DPYSL5: variants seen among roughly 807,000 people sequenced by gnomAD.
DPYSL5 encodes the protein dihydropyrimidinase like 5.
Under a neutral mutation model 58.4 loss-of-function variants are expected in DPYSL5, and 9 were observed. That is an observed-to-expected ratio of 0.15 (90% confidence interval 0.09 to 0.27). The LOEUF is 0.27. DPYSL5 is among the 10% of genes least tolerant of loss of function. DPYSL5 has a pLI of 1.00. For synonymous variants in DPYSL5, 293 were observed against 301.9 expected (o/e 0.97, Z 0.31); for missense variants, 499 against 770.6 (o/e 0.65, Z 4.17).
chr2:26,883,627 G>C (rs1663629834), intron 1 of DPYSL5, among the ~76,000 whole-genome samples: 2 of 152,066 alleles, frequency 1.3e-5, no homozygotes, highest in Admixed American at 6.6e-5. Flanking sequence ...TTGAACCCCT[G>C]ACCTCAAGTG....
chr2:26,876,344 CGGT>C (rs1663408168), intron 1 of DPYSL5, among the ~76,000 whole-genome samples: 1 of 152,082 alleles, frequency 6.6e-6, no homozygotes. Context: ...TCCCAGTGCA[CGGT>C]GGAGTGGGGG....
At chr2:26,899,770 C>A (rs887191856) in intron 2 of DPYSL5, among the ~76,000 whole-genome samples, 1 of 152,226 alleles carries the variant, frequency 6.6e-6, no homozygotes, top group African/African-American at 2.4e-5. Context: ...TGTGCCAAGG[C>A]AAGGATGCTC....
Position 26,877,494 on chromosome 2 carries a change from C to T in DPYSL5, c.-4-21002C>T, listed in dbSNP as rs948797736. 6.6e-6 allele frequency among the ~76,000 whole-genome samples: 1 copy of T among 152,142 alleles called. No individual in the cohort carries two copies. The highest frequency in any genetic ancestry group is 1.9e-4 in the East Asian group (1 of 5,190). ...TGCTCCACCCCACACCTGCTGAGTACATGCTGGGAAGATCATGTCAACCCT... is the reference window on the plus strand; with the variant it reads ...TGCTCCACCCCACACCTGCTGAGTATATGCTGGGAAGATCATGTCAACCCT... On this transcript the variant is annotated intron_variant, in intron 1 of 12. Coordinates refer to ENST00000288699, the MANE Select transcript of DPYSL5 (RefSeq NM_020134.4). This position sits in a 1 kb window ranked among gnomAD's most constrained non-coding sequence, Gnocchi z 4.1.
At chr2:26,856,900 A>G (rs1325048879) in intron 1 of DPYSL5, among the ~76,000 whole-genome samples, 1 of 147,958 alleles carries the variant, frequency 6.8e-6, no homozygotes, top group African/African-American at 2.5e-5. Context: ...TATATTATAT[A>G]TACATATATA....
chr2:26,897,974 C>T (rs1664059391), intron 1 of DPYSL5, among the ~76,000 whole-genome samples: 1 of 152,176 alleles, frequency 6.6e-6, no homozygotes, highest in Admixed American at 6.5e-5. Context: ...ATGAATTAAA[C>T]AGCTGTGAGA....
chr2:26,918,640 G>A (rs1282654538), intron 2 of DPYSL5, among the ~76,000 whole-genome samples: 1 of 152,166 alleles, frequency 6.6e-6, no homozygotes, highest in Non-Finnish European at 1.5e-5. Context: ...TTTGCACTGT[G>A]CTTACCAGTT....
At position 26,942,147 on chromosome 2, in the gene DPYSL5, C is replaced by G; in HGVS notation, c.1232+55C>G. Reference sequence around the variant, plus strand: ...GAGGGGCTTGGGATTTTGAAGAAGACTTGCATTACAGATCTCCAAAAGCAT... The same window carrying G: ...GAGGGGCTTGGGATTTTGAAGAAGAGTTGCATTACAGATCTCCAAAAGCAT... On this transcript the variant is annotated intron_variant, in intron 10 of 12. Transcript: ENST00000288699. This position sits in a 1 kb window ranked among gnomAD's most constrained non-coding sequence, Gnocchi z 5.9. 6.2e-7 allele frequency: 1 copy of G among 1,605,986 alleles called. No homozygotes were observed. Among genetic ancestry groups the G allele is most frequent in the Admixed American group, 1.7e-5 (1 of 58,646 alleles).
intron 6 of DPYSL5, among the ~76,000 whole-genome samples, chr2:26,932,186 AGAAAGAAAGAAAGAAAG>A (rs1665037833): frequency 1.7e-5 from 1 of 59,744 alleles, no homozygotes; most frequent in Non-Finnish European, 3.8e-5. Flanking sequence ...AAAGAAAGAA[AGAAAGAAAGAAAGAAAG>A]AAAGAAAAGA....
intron 1 of DPYSL5, among the ~76,000 whole-genome samples, chr2:26,869,285 C>CT (rs1480172624): frequency 6.6e-6 from 1 of 152,088 alleles, no homozygotes; most frequent in Non-Finnish European, 1.5e-5. Flanking sequence ...AGTTTTCTTT[C>CT]TTTTTTGTTT....
In DPYSL5 at chr2:26,877,116, G is replaced by C. The variant is rs2148121456; in HGVS notation, c.-4-21380G>C. 6.6e-6 allele frequency among the ~76,000 whole-genome samples: 1 copy of C among 151,678 alleles called. No individual in the cohort carries two copies. The highest frequency in any genetic ancestry group is 2.1e-4 in the South Asian group (1 of 4,788). The stretch of plus-strand genomic sequence containing the variant: ...CGAGTAGCTGGGATTATAGGCGCCT[G>C]CCACCAAGCCCGGCTAATTTTTGTA... On this transcript the variant is annotated intron_variant, in intron 1 of 12. Coordinates refer to ENST00000288699, the MANE Select transcript of DPYSL5 (RefSeq NM_020134.4). This position sits in a 1 kb window ranked among gnomAD's most constrained non-coding sequence, Gnocchi z 4.1.
chr2:26,868,094 T>C (rs1663154783), intron 1 of DPYSL5, among the ~76,000 whole-genome samples: 1 of 152,214 alleles, frequency 6.6e-6, no homozygotes, highest in African/African-American at 2.4e-5. Flanking sequence ...TTGCATTTCC[T>C]TGACTACTGC....
In DPYSL5 at chr2:26,933,790, A is replaced by G. The variant is rs375581308; in HGVS notation, c.790+457A>G. On this transcript the variant is annotated intron_variant, in intron 7 of 12. Transcript: ENST00000288699. The surrounding 1 kb of genome is among the most constrained non-coding windows in gnomAD (Gnocchi z 4.2). Reference sequence around the variant, plus strand: ...CTTTTAGCCTCCTGGAACCCTGTGTATGAGTCCGAGGGGCACTTGTATGGC... The same window carrying G: ...CTTTTAGCCTCCTGGAACCCTGTGTGTGAGTCCGAGGGGCACTTGTATGGC... Among the ~76,000 whole-genome samples, 19 of 152,218 alleles carry G rather than the reference A, an allele frequency of 1.2e-4. No individual in the cohort carries two copies. The highest frequency in any genetic ancestry group is 8.5e-4 in the Admixed American group (13 of 15,290).
intron 1 of DPYSL5, among the ~76,000 whole-genome samples, chr2:26,866,630 A>G (rs1044008501): frequency 3.0e-4 from 45 of 152,192 alleles, no homozygotes; most frequent in African/African-American, 1.0e-3. Context: ...TGATCATTAC[A>G]CATTATATAC....
At chr2:26,887,485 A>G (rs988114110) in intron 1 of DPYSL5, among the ~76,000 whole-genome samples, 1 of 152,228 alleles carries the variant, frequency 6.6e-6, no homozygotes, top group Non-Finnish European at 1.5e-5. Flanking sequence ...GGCAATTCCA[A>G]AACACAGTGT....
rs1052488770 is a variant in DPYSL5, at chr2:26,924,545, T to C, written c.262-342T>C. ...TGCAGACATTTGATCATGTTATCTA[T>C]AGAGTCAATTGGCTAAAAATCGTTT... On this transcript the variant is annotated intron_variant, in intron 2 of 12. Transcript: ENST00000288699. The surrounding 1 kb of genome is among the most constrained non-coding windows in gnomAD (Gnocchi z 4.7). Among the ~76,000 whole-genome samples, 2 of 152,200 alleles carry C rather than the reference T, an allele frequency of 1.3e-5. No homozygotes were observed. Among genetic ancestry groups the C allele is most frequent in the African/African-American group, 4.8e-5 (2 of 41,456 alleles).
intron 2 of DPYSL5, among the ~76,000 whole-genome samples, chr2:26,916,601 C>T (rs929383508): frequency 6.6e-6 from 1 of 152,196 alleles, no homozygotes; most frequent in African/African-American, 2.4e-5. Context: ...TCAGCCTGTT[C>T]TCTGTCTTCC....
intron 2 of DPYSL5, among the ~76,000 whole-genome samples, chr2:26,913,487 C>A (rs1220473163): frequency 6.6e-6 from 1 of 152,170 alleles, no homozygotes; most frequent in East Asian, 1.9e-4. Context: ...ATGTAGATAA[C>A]CACATTTTGC....
At position 26,927,858 on chromosome 2, in the gene DPYSL5, T is replaced by C. The variant is rs1041980486; in HGVS notation, c.601-397T>C. On this transcript the variant is annotated intron_variant, in intron 4 of 12. Transcript: ENST00000288699. The surrounding 1 kb of genome is among the most constrained non-coding windows in gnomAD (Gnocchi z 4.3). ...GGCACCAGGAAGGATAAGCCTCTGG[T>C]GCATTCTCCTAGGTCTTGGGGTAAG... Among the ~76,000 whole-genome samples the C allele has an allele frequency of 6.6e-6, 1 of 152,210 alleles. No homozygotes were observed. Among genetic ancestry groups the C allele is most frequent in the Non-Finnish European group, 1.5e-5 (1 of 68,036 alleles).
At chr2:26,930,943 C>T (rs1436236683) in intron 5 of DPYSL5, among the ~76,000 whole-genome samples, 1 of 149,868 alleles carries the variant, frequency 6.7e-6, no homozygotes, top group Admixed American at 6.6e-5. Context: ...CACTGCACTC[C>T]AGCCTGGGCG....
Sources: gnomAD v4.1 joint callset for allele counts (sites outside exome capture counted in the v4.1 genomes callset) on GRCh38, gnomAD v4.1.1 for gene constraint, Gnocchi (gnomAD v3.1) non-coding constraint, MANE v1.5 for transcripts, NCBI Gene and HGNC (gene_info 2026-07-23, HGNC 2026-07-21) for gene names.